Variants in PLXDC2 observed in about 807,000 individuals in gnomAD.
The protein encoded by PLXDC2 is plexin domain containing 2, also known as plexin domain-containing protein 2.
In PLXDC2, 40 loss-of-function variants were observed where a neutral mutation model predicts 68.9. That is an observed-to-expected ratio of 0.58 (90% CI 0.45 to 0.76). The LOEUF (loss-of-function observed/expected upper bound fraction) is 0.76. Among genes scored for constraint, PLXDC2 ranks in the 30% least tolerant of loss-of-function variants. The pLI is 0.00. For missense variants in PLXDC2, 644 were observed against 661.9 expected (o/e 0.97, Z 0.30); for synonymous variants, 243 against 234.2 (o/e 1.04, Z -0.34).
intron 2 of PLXDC2, among the ~76,000 whole-genome samples, chr10:20,036,362 C>T (rs1332551086): frequency 6.6e-6 from 1 of 152,178 alleles, no homozygotes; most frequent in Non-Finnish European, 1.5e-5. Flanking sequence ...CAGCCCTTTA[C>T]AAGCCAGGAG....
chr10:19,818,575 A>T (rs554185902), intron 1 of PLXDC2, among the ~76,000 whole-genome samples: 1 of 152,280 alleles, frequency 6.6e-6, no homozygotes, highest in South Asian at 2.1e-4. Flanking sequence ...CAACACTTTT[A>T]AAGCTGAGAA....
chr10:19,903,682 T>TTCTGC (rs59344052), intron 1 of PLXDC2, among the ~76,000 whole-genome samples: 12,560 of 149,670 alleles, frequency 0.084, 601 homozygotes, highest in Non-Finnish European at 0.11. Context: ...TTTCATTTAG[T>TTCTGC]TCTGCTCTCA....
At chr10:19,955,903 A>C (rs1834061988) in intron 1 of PLXDC2, among the ~76,000 whole-genome samples, 1 of 151,714 alleles carries the variant, frequency 6.6e-6, no homozygotes, top group South Asian at 2.1e-4. Context: ...ACGTGGTGAA[A>C]CCCCATCTCT....
At chr10:19,963,076 A>C (rs1448623998) in intron 1 of PLXDC2, among the ~76,000 whole-genome samples, 2 of 149,998 alleles carry the variant, frequency 1.3e-5, no homozygotes, top group Non-Finnish European at 3.0e-5. Flanking sequence ...TTCCCTATCT[A>C]TGGAGAGACT....
At chr10:20,069,327 G>C (rs778638104) in intron 4 of PLXDC2, among the ~76,000 whole-genome samples, 44 of 152,118 alleles carry the variant, frequency 2.9e-4, no homozygotes, top group Non-Finnish European at 6.0e-4. Context: ...GGAATATTAG[G>C]CAAAGTGAAG....
rs72782197 is a variant in PLXDC2, at chr10:19,819,808, C to T, written c.112+2617C>T. Reference sequence around the variant, plus strand: ...AAACAATTTACTTTGAAATATTACTCATTTGTAGAGTTTGTTATGAGAGTG... The same window carrying T: ...AAACAATTTACTTTGAAATATTACTTATTTGTAGAGTTTGTTATGAGAGTG... On this transcript the variant is annotated intron_variant, in intron 1 of 13. Transcript: ENST00000377252. Among the ~76,000 whole-genome samples the T allele has an allele frequency of 5.3e-3, 813 of 152,260 alleles. 8 individuals carry two copies. The highest frequency in any genetic ancestry group is 6.1e-3 in the Non-Finnish European group (413 of 68,014).
intron 3 of PLXDC2, among the ~76,000 whole-genome samples, chr10:20,058,302 TG>T (rs1836036527): frequency 6.6e-6 from 1 of 152,128 alleles, no homozygotes; most frequent in Admixed American, 6.5e-5. Flanking sequence ...AACATGCTAG[TG>T]GAGTGGCAGC....
intron 1 of PLXDC2, among the ~76,000 whole-genome samples, chr10:19,852,368 G>A (rs966090323): frequency 3.6e-5 from 5 of 138,568 alleles, no homozygotes; most frequent in African/African-American, 1.4e-4. Context: ...TGAGGCTGCA[G>A]TGAGCCCACA....
intron 10 of PLXDC2, among the ~76,000 whole-genome samples, chr10:20,215,892 A>G (rs1445620407): frequency 6.6e-6 from 1 of 152,074 alleles, no homozygotes; most frequent in Non-Finnish European, 1.5e-5. Context: ...GGTAAAGTGG[A>G]GAGAGCTTGA....
At chr10:20,057,471 C>T (rs7095958) in intron 3 of PLXDC2, among the ~76,000 whole-genome samples, 41,042 of 151,968 alleles carry the variant, frequency 0.27, 7,269 homozygotes, top group African/African-American at 0.5. Flanking sequence ...TAATACCCTA[C>T]GCAAAATGGC....
rs368442566 is a variant in PLXDC2, at chr10:20,206,336, A to C, written c.1062-5333A>C. ...CTCAAAAGCAGCCAATTGTAGTATA[A>C]TAGTGGACATTTGCACTTGGTGTTG... On this transcript the variant is annotated intron_variant, in intron 9 of 13. Transcript: ENST00000377252. Among the ~76,000 whole-genome samples, 4 of 152,288 alleles carry C rather than the reference A, an allele frequency of 2.6e-5. No individual in the cohort carries two copies. The South Asian group carries it at 8.3e-4, about 32-fold the overall frequency.
chr10:19,838,427 A>G (rs1475733826), intron 1 of PLXDC2, among the ~76,000 whole-genome samples: 2 of 152,212 alleles, frequency 1.3e-5, no homozygotes, highest in South Asian at 2.1e-4. Context: ...TTCCTAGCCC[A>G]TGATAATAAA....
At chr10:20,145,315 A>T (rs1047522081) in intron 5 of PLXDC2, among the ~76,000 whole-genome samples, 1 of 152,232 alleles carries the variant, frequency 6.6e-6, no homozygotes, top group Non-Finnish European at 1.5e-5. Context: ...AAACACTTTT[A>T]AACACTGTAA....
At chr10:20,026,441 ATG>A (rs1390244427) in intron 2 of PLXDC2, among the ~76,000 whole-genome samples, 2 of 152,176 alleles carry the variant, frequency 1.3e-5, no homozygotes, top group African/African-American at 4.8e-5. Context: ...CAATTTAATC[ATG>A]TGATTTATCT....
intron 1 of PLXDC2, among the ~76,000 whole-genome samples, chr10:19,863,504 G>T (rs1837355517): frequency 6.6e-6 from 1 of 152,132 alleles, no homozygotes; most frequent in Admixed American, 6.5e-5. Flanking sequence ...GAGCATCACT[G>T]CCCACTTCAA....
intron 2 of PLXDC2, among the ~76,000 whole-genome samples, chr10:20,017,138 C>A (rs75338102): frequency 0.014 from 2,189 of 152,282 alleles, 62 homozygotes; most frequent in African/African-American, 0.05. Flanking sequence ...CTTACTGATT[C>A]CCGTTGGTGT....
intron 4 of PLXDC2, among the ~76,000 whole-genome samples, chr10:20,133,110 T>C (rs1247415655): frequency 6.6e-6 from 1 of 152,202 alleles, no homozygotes; most frequent in Non-Finnish European, 1.5e-5. Context: ...TTAACTTGTC[T>C]TCTCATATTT....
At chr10:19,897,547 T>G (rs1838081439) in intron 1 of PLXDC2, among the ~76,000 whole-genome samples, 1 of 152,148 alleles carries the variant, frequency 6.6e-6, no homozygotes, top group African/African-American at 2.4e-5. Context: ...GCCGGGCCAA[T>G]TCCCTTCTTT....
At chr10:20,240,517 A>G (rs1435302650) in intron 12 of PLXDC2, among the ~76,000 whole-genome samples, 1 of 152,166 alleles carries the variant, frequency 6.6e-6, no homozygotes, top group Non-Finnish European at 1.5e-5. Flanking sequence ...GCATGATATT[A>G]AACTGGAAAC....
Sources: allele counts gnomAD v4.1 joint callset (sites outside exome capture counted in the v4.1 genomes callset), GRCh38; gene constraint gnomAD v4.1.1; transcripts MANE v1.5; gene names NCBI Gene and HGNC (gene_info 2026-07-23, HGNC 2026-07-21).